Variants in SAMMSON observed in about 807,000 individuals in gnomAD.
SAMMSON encodes the protein survival associated mitochondrial melanoma specific oncogenic non-coding RNA.
chr3:70,081,510 C>T (rs2067268298), intron 4 of SAMMSON, among the ~76,000 whole-genome samples: 1 of 152,226 alleles, frequency 6.6e-6, no homozygotes. Flanking sequence ...AAGACAGGCT[C>T]TTCACTCACT....
downstream of SAMMSON, among the ~76,000 whole-genome samples, chr3:70,390,307 T>G (rs1389014364): frequency 6.6e-6 from 1 of 152,152 alleles, no homozygotes; most frequent in Non-Finnish European, 1.5e-5. Flanking sequence ...TGCAACTTGG[T>G]AGAAAATATC....
intron 3 of SAMMSON, among the ~76,000 whole-genome samples, chr3:70,029,141 A>C (rs2107583298): frequency 6.6e-6 from 1 of 152,326 alleles, no homozygotes; most frequent in Middle Eastern, 3.4e-3. Flanking sequence ...CAAGTCATAG[A>C]CTGGACTTGA....
chr3:70,039,953 G>A (rs915826475), intron 3 of SAMMSON, among the ~76,000 whole-genome samples: 3 of 152,108 alleles, frequency 2.0e-5, no homozygotes, highest in African/African-American at 7.2e-5. Context: ...CCCTTCACAA[G>A]TTCCTCCTCA....
rs182610872 is a variant in SAMMSON at position 70,136,084 on chromosome 3, A to G, written n.507+64519A>G. 6.1e-3 allele frequency among the ~76,000 whole-genome samples: 928 copies of G among 152,288 alleles called. 5 individuals carry two copies. Among genetic ancestry groups the G allele is most frequent in the African/African-American group, 0.02 (813 of 41,552 alleles). On this transcript the variant is annotated intron_variant and non_coding_transcript_variant, in intron 4 of 9. Coordinates refer to ENST00000642114, the Ensembl canonical transcript of SAMMSON. ...TTTTAATCAGATTTTTATTTGTAAA[A>G]CATGGTTAATTGTTAGATTTAAGGC...
rs572471461 is a variant in SAMMSON at position 70,063,680 on chromosome 3, A to T, written n.418-7796A>T. 1.3e-4 allele frequency among the ~76,000 whole-genome samples: 20 copies of T among 151,978 alleles called. No individual in the cohort carries two copies. In the South Asian group the frequency reaches 3.8e-3, roughly 29 times the overall value. ...CTGACTTTGTTTCCTTCCCCCAGAA[A>T]CTCCTTTCTGTGAATCAAATCCTTA... On this transcript the variant is annotated intron_variant and non_coding_transcript_variant, in intron 3 of 9. Coordinates refer to ENST00000642114, the Ensembl canonical transcript of SAMMSON.
intron 1 of SAMMSON, among the ~76,000 whole-genome samples, chr3:70,008,550 G>T (rs1457359611): frequency 6.6e-6 from 1 of 152,086 alleles, no homozygotes; most frequent in Non-Finnish European, 1.5e-5. Context: ...TGAGATGATG[G>T]GGTTTTCTAG....
intron 4 of SAMMSON, chr3:70,206,498 A>G (rs952649683): frequency 5.0e-6 from 2 of 396,286 alleles, no homozygotes; most frequent in African/African-American, 4.1e-5. Flanking sequence ...CTAACAGCAT[A>G]TGTGATGATT....
chr3:70,227,129 T>C (rs1546735), intron 4 of SAMMSON, among the ~76,000 whole-genome samples: 92,965 of 152,026 alleles, frequency 0.61, 29,393 homozygotes, highest in East Asian at 1. Flanking sequence ...TGTAAGATAC[T>C]TGAAATACAG....
chr3:70,124,856 A>G (rs28496065), intron 4 of SAMMSON, among the ~76,000 whole-genome samples: 2 of 151,086 alleles, frequency 1.3e-5, no homozygotes, highest in African/African-American at 2.4e-5. Context: ...AAGAAAGAAA[A>G]AGAAAATAAT....
At chr3:70,053,303 C>A (rs1458876547) in intron 3 of SAMMSON, among the ~76,000 whole-genome samples, 1 of 152,126 alleles carries the variant, frequency 6.6e-6, no homozygotes, top group South Asian at 2.1e-4. Context: ...TGATAGGGAG[C>A]CTGTAGCCTT....
chr3:70,191,900 A>AC (rs1341972147), intron 4 of SAMMSON, among the ~76,000 whole-genome samples: 1 of 151,054 alleles, frequency 6.6e-6, no homozygotes, highest in Non-Finnish European at 1.5e-5. Flanking sequence ...AAAAAAAAAA[A>AC]GGAAATAATA....
intron 3 of SAMMSON, among the ~76,000 whole-genome samples, chr3:70,019,440 T>G (rs1576098273): frequency 6.6e-6 from 1 of 152,316 alleles, no homozygotes; most frequent in Admixed American, 6.5e-5. Flanking sequence ...GCTTGGTAGA[T>G]CTTCCTCCAT....
In SAMMSON at chr3:70,025,446, C is replaced by T. The variant is rs369149066; in HGVS notation, n.417+11774C>T. Among the ~76,000 whole-genome samples the T allele has an allele frequency of 7.9e-5, 12 of 152,142 alleles. No homozygotes were observed. The South Asian group carries it at 2.5e-3, about 32-fold the overall frequency. On this transcript the variant is annotated intron_variant and non_coding_transcript_variant, in intron 3 of 9. Coordinates refer to ENST00000642114, the Ensembl canonical transcript of SAMMSON. ...TTAGTAGAGAAGGGGTTTCACCATG[C>T]TGACCAGGCTGGTCTTGAACTCCTG... is the stretch of plus-strand genomic sequence containing the variant.
At chr3:70,051,144 AAAAAAAAAAAAAAAAAG>A in intron 3 of SAMMSON, among the ~76,000 whole-genome samples, 1 of 145,670 alleles carries the variant, frequency 6.9e-6, no homozygotes, top group South Asian at 2.2e-4. Flanking sequence ...CAAAAAAAAA[AAAAAAAAAAAAAAAAAG>A]AAAAAAAAAG....
At chr3:70,328,536 A>G (rs1575626781) in intron 7 of SAMMSON, among the ~76,000 whole-genome samples, 4 of 152,268 alleles carry the variant, frequency 2.6e-5, no homozygotes, top group Admixed American at 2.6e-4. Flanking sequence ...CAAAACAAAA[A>G]TGAGTTGGAT....
chr3:70,028,110 T>TTCC (rs1474380015), intron 3 of SAMMSON, among the ~76,000 whole-genome samples: 20 of 145,506 alleles, frequency 1.4e-4, no homozygotes, highest in Middle Eastern at 3.5e-3. Context: ...CCTTCCTTCC[T>TTCC]TCCCTTCCTT....
intron 9 of SAMMSON, among the ~76,000 whole-genome samples, chr3:70,364,434 G>A (rs1702903088): frequency 1.3e-5 from 2 of 151,802 alleles, no homozygotes; most frequent in African/African-American, 4.8e-5. Flanking sequence ...GTTTTGTTTT[G>A]TGGTTAAAAG....
intron 2 of SAMMSON, among the ~76,000 whole-genome samples, chr3:70,398,259 A>G (rs1265611875): frequency 6.6e-6 from 1 of 152,166 alleles, no homozygotes; most frequent in East Asian, 1.9e-4. Flanking sequence ...TTCTAGACTT[A>G]TTTTTGCTGA....
Position 70,419,018 on chromosome 3 carries a change from C to T in SAMMSON, n.234-43542C>T, listed in dbSNP as rs9865433. Among the ~76,000 whole-genome samples the T allele has an allele frequency of 6.5e-3, 529 of 80,826 alleles. 28 individuals carry two copies. Among genetic ancestry groups the T allele is most frequent in the African/African-American group, 0.023 (435 of 19,298 alleles). 53.0% of individuals were successfully genotyped at this position (80,826 alleles called of 152,430 possible). A position where few individuals can be genotyped will look rare whatever the true frequency, so the allele number is the denominator to read the frequency against. On this transcript the variant is annotated intron_variant and non_coding_transcript_variant, in intron 2 of 3. Transcript: ENST00000641053. Reference sequence around the variant, plus strand: ...CTCTCTCTCTTTCTTTCTTTCTTTCCTTCTTTCTTTCTTTCTTCTTTCTTT... The same window carrying T: ...CTCTCTCTCTTTCTTTCTTTCTTTCTTTCTTTCTTTCTTTCTTCTTTCTTT...
Sources: gnomAD v4.1 joint callset for allele counts (sites outside exome capture counted in the v4.1 genomes callset) on GRCh38, gnomAD v4.1.1 for gene constraint, MANE v1.5 for transcripts, NCBI Gene and HGNC (gene_info 2026-07-23, HGNC 2026-07-21) for gene names.